The following DAB2IP variants were observed in gnomAD, a reference collection of about 807,000 sequenced individuals.
DAB2IP encodes the protein DAB2 interacting protein.
DAB2IP carries 28 observed loss-of-function variants against 107.2 expected under a neutral mutation model. The observed-to-expected ratio is 0.26, with a 90% CI of 0.19 to 0.36. The LOEUF (loss-of-function observed/expected upper bound fraction) is 0.36, where lower values mean the gene tolerates loss of function less well. Ranked by LOEUF, DAB2IP falls within the 10% of genes least tolerant of loss-of-function variation. DAB2IP has a pLI of 1.00. For synonymous variants in DAB2IP, 755 were observed against 706.4 expected, an observed-to-expected ratio of 1.07 and a Z score of -1.09; for missense variants, 1,400 against 1,644.7, an observed-to-expected ratio of 0.85 and a Z score of 2.57.
intron 2 of DAB2IP, among the ~76,000 whole-genome samples, chr9:121,683,134 A>G (rs892834523): frequency 1.3e-5 from 2 of 152,280 alleles, no homozygotes; most frequent in Admixed American, 1.3e-4. Flanking sequence ...GGATCTGCAT[A>G]GACCAATGGT....
upstream of DAB2IP, among the ~76,000 whole-genome samples, chr9:121,648,168 C>T (rs955904542): frequency 8.6e-5 from 13 of 152,016 alleles, no homozygotes; most frequent in African/African-American, 1.7e-4. Context: ...AGTTACTGCT[C>T]GGGATATGGG....
chr9:121,612,032 A>C (rs1413661355), intron 1 of DAB2IP, among the ~76,000 whole-genome samples: 2 of 152,088 alleles, frequency 1.3e-5, no homozygotes, highest in East Asian at 3.9e-4. Context: ...CAGTCTTGGG[A>C]TCCTCTGGCC....
chr9:121,726,700 C>T (rs1287471199), intron 3 of DAB2IP, among the ~76,000 whole-genome samples: 3 of 152,162 alleles, frequency 2.0e-5, no homozygotes, highest in Non-Finnish European at 2.9e-5. Flanking sequence ...CAACCCCTCC[C>T]GCCCCCACCA....
chr9:121,650,746 G>A (rs1832710723), upstream of DAB2IP, among the ~76,000 whole-genome samples: 1 of 152,212 alleles, frequency 6.6e-6, no homozygotes, highest in African/African-American at 2.4e-5. Flanking sequence ...AGGGAAGGGT[G>A]GAGGAGCTGG....
chr9:121,599,900 C>A lies in DAB2IP; in HGVS notation c.40+32672C>A, dbSNP rs949033946. Among the ~76,000 whole-genome samples the A allele has an allele frequency of 6.6e-6, 1 of 152,098 alleles. No individual in the cohort carries two copies. The highest frequency in any genetic ancestry group is 2.4e-5 in the African/African-American group (1 of 41,416). On this transcript the variant is annotated intron_variant, in intron 1 of 16. Transcript: ENST00000259371. The surrounding 1 kb of genome is among the most constrained non-coding windows in gnomAD (Gnocchi z 6.9). Reference sequence around the variant, plus strand: ...GGGTAGGGGACTGAGGAATGGGCGGCGACTTTGCTTTATTTACCCCGCTTT... The same window carrying A: ...GGGTAGGGGACTGAGGAATGGGCGGAGACTTTGCTTTATTTACCCCGCTTT...
Position 121,783,000 on chromosome 9 carries a change from G to T in DAB2IP, c.*502G>T. ...GACCTGGCACTTGGCAGATCAGTTG[G>T]CAGGCAGGAAGATAGGAGGACACAG... is the stretch of plus-strand genomic sequence containing the variant. On this transcript the variant is annotated 3_prime_UTR_variant, in exon 16 of 16. Transcript: ENST00000408936. This position sits in a 1 kb window ranked among gnomAD's most constrained non-coding sequence, Gnocchi z 6.1. 1 of 1,019,480 alleles carries T rather than the reference G, an allele frequency of 9.8e-7. No individual in the cohort carries two copies. Among genetic ancestry groups the T allele is most frequent in the Non-Finnish European group, 1.2e-6 (1 of 850,054 alleles). 63.2% of individuals were successfully genotyped at this position (1,019,480 alleles called of 1,614,324 possible).
chr9:121,761,344 C>T (rs1283741556), intron 6 of DAB2IP, among the ~76,000 whole-genome samples: 1 of 152,242 alleles, frequency 6.6e-6, no homozygotes, highest in Non-Finnish European at 1.5e-5. Context: ...GGGCTAAGGA[C>T]TGGGCCTCTG....
At chr9:121,781,194 A>G (rs1280183244) in intron 14 of DAB2IP, among the ~76,000 whole-genome samples, 1 of 152,174 alleles carries the variant, frequency 6.6e-6, no homozygotes, top group Non-Finnish European at 1.5e-5. Flanking sequence ...CTGGAAGAAC[A>G]TCGGGAAAGG....
At chr9:121,592,756 C>A (rs1305482499) in intron 1 of DAB2IP, among the ~76,000 whole-genome samples, 1 of 152,168 alleles carries the variant, frequency 6.6e-6, no homozygotes, top group Non-Finnish European at 1.5e-5. Flanking sequence ...GCAGACGATG[C>A]CTTTGGCAAA....
intron 1 of DAB2IP, 147 bp from the exon 2 acceptor site, chr9:121,678,531 G>A: frequency 3.8e-6 from 2 of 528,400 alleles, no homozygotes; most frequent in Non-Finnish European, 6.0e-6. Flanking sequence ...AATTTTTGGA[G>A]GAACTGCCAG....
intron 3 of DAB2IP, among the ~76,000 whole-genome samples, chr9:121,720,408 T>A (rs2118813871): frequency 6.6e-6 from 1 of 152,328 alleles, no homozygotes. Flanking sequence ...GGCCCTGGAA[T>A]AATTAACTTC....
exon 16 of DAB2IP, chr9:121,785,275 CCTCT>C (rs144193739): frequency 6.6e-6 from 1 of 152,662 alleles, no homozygotes; most frequent in Non-Finnish European, 1.5e-5. Flanking sequence ...AGGGAAACAG[CCTCT>C]CTCTTTTCTA....
At chr9:121,646,514 C>T (rs1268624018) in intron 1 of DAB2IP, among the ~76,000 whole-genome samples, 2 of 115,954 alleles carry the variant, frequency 1.7e-5, no homozygotes, top group Non-Finnish European at 3.6e-5. Context: ...ACCCTCTGTC[C>T]CCCCCACCCC....
At chr9:121,759,736 G>C in intron 5 of DAB2IP, 149 bp from the exon 6 acceptor site, 1 of 663,850 alleles carries the variant, frequency 1.5e-6, no homozygotes, top group African/African-American at 1.8e-5. Context: ...ATCATGCCCT[G>C]CCTCATCCTG....
At chr9:121,720,982 A>G (rs1432011004) in intron 3 of DAB2IP, among the ~76,000 whole-genome samples, 1 of 152,240 alleles carries the variant, frequency 6.6e-6, no homozygotes, top group Non-Finnish European at 1.5e-5. Flanking sequence ...AAAGAGGGGC[A>G]GACCTCCTGC....
intron 1 of DAB2IP, among the ~76,000 whole-genome samples, chr9:121,616,480 G>T (rs547654032): frequency 6.6e-6 from 1 of 152,194 alleles, no homozygotes; most frequent in South Asian, 2.1e-4. Flanking sequence ...TACCCACATA[G>T]GCGTTTTTAA....
At chr9:121,671,563 C>T (rs796578475) in intron 1 of DAB2IP, among the ~76,000 whole-genome samples, 1 of 152,116 alleles carries the variant, frequency 6.6e-6, no homozygotes, top group African/African-American at 2.4e-5. Context: ...AACCATTCAT[C>T]TATAGAAGGA....
At chr9:121,721,488 A>C (rs1830930118) in intron 3 of DAB2IP, among the ~76,000 whole-genome samples, 1 of 152,138 alleles carries the variant, frequency 6.6e-6, no homozygotes, top group Non-Finnish European at 1.5e-5. Flanking sequence ...GCCTGTTGTG[A>C]CAGTCCACCA....
chr9:121,582,145 G>C (rs573544442), intron 1 of DAB2IP, among the ~76,000 whole-genome samples: 3 of 152,220 alleles, frequency 2.0e-5, no homozygotes, highest in Non-Finnish European at 4.4e-5. Context: ...GGGCTGAAAG[G>C]GGGTTGGAAG....
Sources: allele counts gnomAD v4.1 joint callset (sites outside exome capture counted in the v4.1 genomes callset), GRCh38; gene constraint gnomAD v4.1.1; non-coding constraint Gnocchi (gnomAD v3.1); transcripts MANE v1.5; gene names NCBI Gene and HGNC (gene_info 2026-07-23, HGNC 2026-07-21).